The following RNF13 variants were observed in gnomAD, a reference collection of about 807,000 sequenced individuals.
RNF13 encodes E3 ubiquitin-protein ligase RNF13.
Under a neutral mutation model 37.7 loss-of-function variants are expected in RNF13, and 19 were observed. That is an observed-to-expected ratio of 0.50 (90% CI 0.35 to 0.74). The LOEUF is 0.74. Among genes scored for constraint, RNF13 ranks in the 30% least tolerant of loss-of-function variants. RNF13 has a pLI of 0.01. For synonymous variants in RNF13, 144 were observed against 157.8 expected (o/e 0.91, Z 0.65); for missense variants, 375 against 453.0 (o/e 0.83, Z 1.56).
intron 1 of RNF13, among the ~76,000 whole-genome samples, chr3:149,817,814 A>G (rs187770443): frequency 5.3e-5 from 8 of 152,272 alleles, no homozygotes; most frequent in Admixed American, 5.2e-4. Context: ...TGTTTTTGTT[A>G]CCAGTATTAT....
At chr3:149,860,270 A>AAATATATATATATATAT (rs1302318768) in intron 3 of RNF13, among the ~76,000 whole-genome samples, 1 of 104,096 alleles carries the variant, frequency 9.6e-6, no homozygotes, top group African/African-American at 4.2e-5. Context: ...AAAAAAAAAA[A>AAATATATATATATATAT]ATATATATAT....
At chr3:149,909,954 A>AG (rs1716820094) in intron 6 of RNF13, among the ~76,000 whole-genome samples, 1 of 145,808 alleles carries the variant, frequency 6.9e-6, no homozygotes, top group Admixed American at 6.7e-5. Context: ...AAAGAGAAGA[A>AG]AAAAAAAAAC....
At chr3:149,838,204 C>G (rs917805554) in intron 1 of RNF13, among the ~76,000 whole-genome samples, 5 of 152,232 alleles carry the variant, frequency 3.3e-5, no homozygotes, top group Non-Finnish European at 4.4e-5. Flanking sequence ...CTCTTGGCTG[C>G]TTTCATGGGC....
chr3:149,892,151 C>G (rs540087330), intron 4 of RNF13, among the ~76,000 whole-genome samples: 60 of 152,206 alleles, frequency 3.9e-4, no homozygotes, highest in Non-Finnish European at 6.2e-4. Flanking sequence ...AATTTCTTCC[C>G]ATTTTAGTGG....
At chr3:149,889,494 G>A (rs1258851541) in intron 4 of RNF13, among the ~76,000 whole-genome samples, 13 of 147,528 alleles carry the variant, frequency 8.8e-5, no homozygotes, top group Admixed American at 7.5e-4. Context: ...TAGTAGAGAC[G>A]GGGTTTCACC....
At chr3:149,889,941 C>T (rs1428908683) in intron 4 of RNF13, among the ~76,000 whole-genome samples, 1 of 152,186 alleles carries the variant, frequency 6.6e-6, no homozygotes, top group Non-Finnish European at 1.5e-5. Flanking sequence ...TCCCAGAGTC[C>T]TGGGATTACA....
Position 149,932,799 on chromosome 3 carries a change from C to A in RNF13, c.700+11572C>A, listed in dbSNP as rs553822391. Reference sequence around the variant, plus strand: ...GGGTGCAAGCTGCTGGTGGCTCTACCCTTCTTGGGTCTGGAGGATAGCAGT... The same window carrying A: ...GGGTGCAAGCTGCTGGTGGCTCTACACTTCTTGGGTCTGGAGGATAGCAGT... On this transcript the variant is annotated intron_variant, in intron 8 of 9. Transcript: ENST00000392894. Among the ~76,000 whole-genome samples, 667 of 152,300 alleles carry A rather than the reference C, an allele frequency of 4.4e-3. 6 individuals are homozygous for A. Among genetic ancestry groups the A allele is most frequent in the Non-Finnish European group, 7.3e-3 (500 of 68,034 alleles).
intron 3 of RNF13, among the ~76,000 whole-genome samples, chr3:149,853,848 T>G (rs905252987): frequency 4.7e-4 from 71 of 150,278 alleles, no homozygotes; most frequent in African/African-American, 1.7e-3. Context: ...TTTTTTTTTT[T>G]TTTTTTAAGG....
intron 6 of RNF13, among the ~76,000 whole-genome samples, chr3:149,906,364 T>G (rs1716398833): frequency 6.6e-6 from 1 of 152,158 alleles, no homozygotes; most frequent in South Asian, 2.1e-4. Flanking sequence ...AGAATGGAAT[T>G]GTTGCATTAT....
At chr3:149,831,716 T>C (rs1482204654) in intron 1 of RNF13, among the ~76,000 whole-genome samples, 1 of 152,136 alleles carries the variant, frequency 6.6e-6, no homozygotes, top group Admixed American at 6.5e-5. Context: ...GGTTTTGAAA[T>C]ATGAGGACAT....
At chr3:149,846,374 C>T (rs1170373213) in intron 2 of RNF13, among the ~76,000 whole-genome samples, 1 of 152,166 alleles carries the variant, frequency 6.6e-6, no homozygotes. Context: ...GCGGTCCTGG[C>T]TCACTGAAAC....
chr3:149,945,862 T>C (rs551884846), intron 8 of RNF13, among the ~76,000 whole-genome samples: 3 of 152,336 alleles, frequency 2.0e-5, no homozygotes, highest in African/African-American at 7.2e-5. Flanking sequence ...GGGTCCTGAC[T>C]GTTAGAAGGA....
intron 2 of RNF13, among the ~76,000 whole-genome samples, chr3:149,850,276 G>A (rs769703235): frequency 4.6e-5 from 7 of 152,078 alleles, no homozygotes; most frequent in East Asian, 1.9e-4. Flanking sequence ...CACCACATCC[G>A]GCCTACTACT....
At chr3:149,826,769 C>T (rs930193529) in intron 1 of RNF13, among the ~76,000 whole-genome samples, 6 of 152,128 alleles carry the variant, frequency 3.9e-5, no homozygotes, top group African/African-American at 1.2e-4. Flanking sequence ...ATTTATGTTT[C>T]GTTTTGAGAT....
chr3:149,952,146 T>G (rs1477480209), intron 8 of RNF13, among the ~76,000 whole-genome samples: 1 of 152,058 alleles, frequency 6.6e-6, no homozygotes, highest in African/African-American at 2.4e-5. Context: ...TTCATCATAT[T>G]CTACATTAAC....
chr3:149,894,692 A>G (rs1357304088), intron 4 of RNF13, among the ~76,000 whole-genome samples: 1 of 152,140 alleles, frequency 6.6e-6, no homozygotes, highest in Non-Finnish European at 1.5e-5. Flanking sequence ...AAAACTATGT[A>G]TATATATGTT....
At chr3:149,871,865 C>T (rs1326587769) in intron 3 of RNF13, among the ~76,000 whole-genome samples, 164 bp from the exon 4 acceptor site, 1 of 152,094 alleles carries the variant, frequency 6.6e-6, no homozygotes, top group African/African-American at 2.4e-5. Context: ...CTTGTGAAAG[C>T]AAATGCTGCT....
chr3:149,920,157 G>A (rs970489482), intron 7 of RNF13, among the ~76,000 whole-genome samples: 10 of 151,956 alleles, frequency 6.6e-5, no homozygotes, highest in Non-Finnish European at 1.3e-4. Context: ...CCCTTATCTT[G>A]TATACAATTT....
chr3:149,825,406 C>T (rs188014634), intron 1 of RNF13, among the ~76,000 whole-genome samples: 24 of 152,286 alleles, frequency 1.6e-4, no homozygotes, highest in Admixed American at 5.2e-4. Flanking sequence ...TCAGGTGATC[C>T]GCCTGCCTCG....
Sources: gnomAD v4.1 joint callset for allele counts (sites outside exome capture counted in the v4.1 genomes callset) on GRCh38, gnomAD v4.1.1 for gene constraint, MANE v1.5 for transcripts, NCBI Gene and HGNC (gene_info 2026-07-23, HGNC 2026-07-21) for gene names.